RIN2: variants seen among roughly 807,000 people sequenced by gnomAD.
The protein encoded by RIN2 is RAB5 interacting protein 2.
In RIN2, 36 loss-of-function variants were observed where a neutral mutation model predicts 78.0. That is an observed-to-expected ratio of 0.46 (90% CI 0.35 to 0.61). The LOEUF (loss-of-function observed/expected upper bound fraction) is 0.61. RIN2 is among the 20% of genes least tolerant of loss of function. The pLI is 0.00. For synonymous variants in RIN2, 466 were observed against 466.8 expected (o/e 1.00, Z 0.02); for missense variants, 1,087 against 1,159.7 (o/e 0.94, Z 0.91).
intron 1 of RIN2, among the ~76,000 whole-genome samples, chr20:19,760,492 C>T (rs1041101139): frequency 2.0e-5 from 3 of 152,168 alleles, no homozygotes; most frequent in African/African-American, 7.2e-5. Context: ...CGCAGCAGCA[C>T]TCTTATCCCC....
At chr20:19,957,733 G>A (rs569651036) in intron 5 of RIN2, among the ~76,000 whole-genome samples, 1 of 152,020 alleles carries the variant, frequency 6.6e-6, no homozygotes, top group Non-Finnish European at 1.5e-5. Context: ...GTAGCTTCTT[G>A]CCCCATGTGG....
intron 2 of RIN2, among the ~76,000 whole-genome samples, chr20:19,851,220 C>T (rs2036971376): frequency 6.6e-6 from 1 of 152,020 alleles, no homozygotes; most frequent in African/African-American, 2.4e-5. Flanking sequence ...AAGAGAAAAC[C>T]TTGGGGCAGG....
chr20:19,870,236 A>G (rs1443150076), intron 2 of RIN2, among the ~76,000 whole-genome samples: 2 of 152,182 alleles, frequency 1.3e-5, no homozygotes, highest in African/African-American at 2.4e-5. Context: ...CGAGATGCCA[A>G]TTGTTATCAT....
intron 2 of RIN2, among the ~76,000 whole-genome samples, chr20:19,851,043 A>G: frequency 1.2e-5 from 1 of 81,234 alleles, no homozygotes; most frequent in Non-Finnish European, 2.8e-5. Context: ...GGAAGGAAGG[A>G]AGGAAGGAGA....
chr20:19,944,840 A>G (rs909574089), intron 4 of RIN2, among the ~76,000 whole-genome samples: 6 of 152,150 alleles, frequency 3.9e-5, no homozygotes, highest in Admixed American at 1.3e-4. Context: ...GCTTTCTCCC[A>G]GGTCACATGA....
chr20:19,906,745 A>G (rs2039237027), intron 3 of RIN2, among the ~76,000 whole-genome samples: 1 of 152,204 alleles, frequency 6.6e-6, no homozygotes, highest in Non-Finnish European at 1.5e-5. Context: ...TGACTTTTGC[A>G]TGAAATATTA....
At chr20:19,962,178 G>A (rs546442813) in intron 6 of RIN2, among the ~76,000 whole-genome samples, 2 of 150,852 alleles carry the variant, frequency 1.3e-5, no homozygotes, top group Admixed American at 6.6e-5. Flanking sequence ...GATGACACAC[G>A]CCTGTAGTCC....
intron 2 of RIN2, chr20:19,886,841 G>A (rs972396255): frequency 4.9e-6 from 5 of 1,013,392 alleles, no homozygotes; most frequent in African/African-American, 1.6e-5. Flanking sequence ...GAAGCTGCTG[G>A]GGTGACATCT....
At chr20:19,931,388 A>G (rs1435369585) in intron 3 of RIN2, among the ~76,000 whole-genome samples, 2 of 151,980 alleles carry the variant, frequency 1.3e-5, no homozygotes, top group Admixed American at 6.6e-5. Flanking sequence ...CAGTTCTCCC[A>G]CCTTGGCCTC....
intron 2 of RIN2, among the ~76,000 whole-genome samples, chr20:19,883,091 G>T (rs1428087744): frequency 6.6e-6 from 1 of 152,066 alleles, no homozygotes; most frequent in East Asian, 1.9e-4. Flanking sequence ...CAATGACCTT[G>T]CGGGTAGCCA....
chr20:19,863,125 C>T (rs956962464), intron 2 of RIN2, among the ~76,000 whole-genome samples: 1 of 152,162 alleles, frequency 6.6e-6, no homozygotes. Context: ...TCAAGAGGAA[C>T]AGCATGTGTG....
At chr20:19,835,162 T>G (rs77926838) in intron 2 of RIN2, among the ~76,000 whole-genome samples, 3 of 99,490 alleles carry the variant, frequency 3.0e-5, no homozygotes, top group Non-Finnish European at 4.4e-5. Flanking sequence ...AAGGAAGGAA[T>G]GAAGGGAAGA....
chr20:19,834,716 G>C (rs1222138884), intron 2 of RIN2, among the ~76,000 whole-genome samples: 3 of 152,212 alleles, frequency 2.0e-5, no homozygotes, highest in East Asian at 3.9e-4. Flanking sequence ...CTTATCTTTT[G>C]TGGTAACATG....
rs1176339993 is a variant in RIN2, at chr20:20,002,036, A to T, written c.*1100A>T. 6.6e-6 allele frequency: 1 copy of T among 152,500 alleles called. No homozygotes were observed. The highest frequency in any genetic ancestry group is 1.9e-4 in the East Asian group (1 of 5,202). The allele number at this position is 152,500 out of a possible 1,614,324, so 9.4% of individuals were successfully genotyped here. A position where few individuals can be genotyped will look rare whatever the true frequency, so the allele number is the denominator to read the frequency against. On this transcript the variant is annotated 3_prime_UTR_variant, in exon 13 of 13. Transcript: ENST00000255006. ...ACAAATTAAAACTTAACAGCATCAAATTATTGGGACCAGAAACCAAGTAAT... is the reference window on the plus strand; with the variant it reads ...ACAAATTAAAACTTAACAGCATCAATTTATTGGGACCAGAAACCAAGTAAT...
chr20:19,982,409 T>C (rs1426912234), intron 9 of RIN2, among the ~76,000 whole-genome samples: 1 of 152,168 alleles, frequency 6.6e-6, no homozygotes, highest in Non-Finnish European at 1.5e-5. Context: ...AATAGAGGAT[T>C]AGCAAAATGC....
chr20:19,804,825 G>GT lies in RIN2; in HGVS notation c.-37+5086dup, dbSNP rs200627453. Among the ~76,000 whole-genome samples, 390 of 151,582 alleles carry GT rather than the reference G, an allele frequency of 2.6e-3. 3 individuals carry two copies. The highest frequency in any genetic ancestry group is 6.0e-3 in the African/African-American group (250 of 41,354). On this transcript the variant is annotated intron_variant, in intron 2 of 12. Transcript: ENST00000255006. ...AGAACTCAGCGGTAAATCCATGTGG[G>GT]TTTTTTTTGTTTTGTTTTGCTGTTG... is the stretch of plus-strand genomic sequence containing the variant.
intron 4 of RIN2, among the ~76,000 whole-genome samples, chr20:19,951,676 A>G (rs996568454): frequency 6.6e-6 from 1 of 152,174 alleles, no homozygotes; most frequent in Non-Finnish European, 1.5e-5. Context: ...TGCATTGATT[A>G]CTACCTGGTG....
At chr20:19,811,958 A>G (rs538787944) in intron 2 of RIN2, among the ~76,000 whole-genome samples, 13 of 152,326 alleles carry the variant, frequency 8.5e-5, no homozygotes, top group East Asian at 3.9e-4. Flanking sequence ...GAAACTTTAC[A>G]TAAGTGGAAC....
intron 1 of RIN2, among the ~76,000 whole-genome samples, chr20:19,775,898 C>T (rs940351757): frequency 2.6e-5 from 4 of 152,244 alleles, no homozygotes; most frequent in Non-Finnish European, 4.4e-5. Context: ...CCTCCGGCTT[C>T]GCTCCACCCA....
Sources: allele counts gnomAD v4.1 joint callset (sites outside exome capture counted in the v4.1 genomes callset), GRCh38; gene constraint gnomAD v4.1.1; transcripts MANE v1.5; gene names NCBI Gene and HGNC (gene_info 2026-07-23, HGNC 2026-07-21).